AKT3: variants seen among roughly 807,000 people sequenced by gnomAD.
AKT3 encodes RAC-gamma serine/threonine-protein kinase.
AKT3 carries 15 observed loss-of-function variants against 65.3 expected under a neutral mutation model. The ratio of observed to expected loss-of-function variants is 0.23; its 90% CI spans 0.15 to 0.35. The LOEUF is 0.35. Ranked by LOEUF, AKT3 falls within the 10% of genes least tolerant of loss-of-function variation. AKT3 has a pLI of 1.00. For missense variants in AKT3, 243 were observed against 576.5 expected (o/e 0.42, Z 5.92); for synonymous variants, 206 against 183.8 (o/e 1.12, Z -0.98).
At position 243,501,774 on chromosome 1, in the gene AKT3, C is replaced by T. The variant is rs1186983708; in HGVS notation, c.*3475G>A. 2 of 232,774 alleles carry T rather than the reference C, an allele frequency of 8.6e-6. No homozygotes were observed. The highest frequency in any genetic ancestry group is 1.7e-5 in the Non-Finnish European group (2 of 117,854). 14.4% of individuals were successfully genotyped at this position (232,774 alleles called of 1,614,324 possible). A position where few individuals can be genotyped will look rare whatever the true frequency, so the allele number is the denominator to read the frequency against. The stretch of plus-strand genomic sequence containing the variant: ...AATAAACAGAGAAGTAGCAGATTGA[C>T]ATAGTGCTTTATTTAAGCTGTCTGT... On this transcript the variant is annotated 3_prime_UTR_variant, in exon 14 of 14. Transcript: ENST00000673466.
intron 2 of AKT3, among the ~76,000 whole-genome samples, chr1:243,781,109 ATTT>A (rs1214420823): frequency 6.6e-6 from 1 of 152,000 alleles, no homozygotes; most frequent in Non-Finnish European, 1.5e-5. Context: ...GCCTTCTAAA[ATTT>A]TTTTCTATGG....
intron 2 of AKT3, among the ~76,000 whole-genome samples, chr1:243,801,984 T>C (rs1466843644): frequency 1.3e-5 from 2 of 152,164 alleles, no homozygotes; most frequent in African/African-American, 2.4e-5. Context: ...AATATTCCTA[T>C]AGGATAAAAA....
chr1:243,640,707 A>C (rs977811476), intron 5 of AKT3, among the ~76,000 whole-genome samples: 9 of 152,124 alleles, frequency 5.9e-5, no homozygotes, highest in Admixed American at 3.3e-4. Context: ...GTTTTGTTGG[A>C]TTTTCCAGCC....
intron 8 of AKT3, among the ~76,000 whole-genome samples, chr1:243,575,773 C>T (rs1243788872): frequency 1.3e-5 from 2 of 152,136 alleles, no homozygotes; most frequent in Non-Finnish European, 2.9e-5. Context: ...AAAAGTGCTA[C>T]TCAAGTTTTA....
At chr1:243,789,278 T>G (rs891833926) in intron 2 of AKT3, among the ~76,000 whole-genome samples, 1 of 152,180 alleles carries the variant, frequency 6.6e-6, no homozygotes, top group Admixed American at 6.5e-5. Flanking sequence ...CCTAGCTACT[T>G]AGAAGGCTGA....
At chr1:243,674,605 A>G (rs1021988098) in intron 3 of AKT3, among the ~76,000 whole-genome samples, 14 of 152,222 alleles carry the variant, frequency 9.2e-5, no homozygotes, top group African/African-American at 2.4e-4. Flanking sequence ...AGTCTCTTTA[A>G]TAAGTGAATG....
intron 13 of AKT3, among the ~76,000 whole-genome samples, chr1:243,511,056 G>A (rs1004849285): frequency 6.6e-6 from 1 of 152,254 alleles, no homozygotes; most frequent in East Asian, 1.9e-4. Flanking sequence ...GACTCTTAGT[G>A]ATTCTAAAAT....
At chr1:243,707,084 C>G (rs1030131912) in intron 2 of AKT3, among the ~76,000 whole-genome samples, 1 of 152,090 alleles carries the variant, frequency 6.6e-6, no homozygotes, top group Non-Finnish European at 1.5e-5. Context: ...GCATGTAGAA[C>G]AACATCTAGC....
chr1:243,815,616 C>CT (rs200053952), intron 2 of AKT3, among the ~76,000 whole-genome samples: 33,998 of 140,854 alleles, frequency 0.24, 4,354 homozygotes, highest in East Asian at 0.34. Flanking sequence ...ATCTATATTG[C>CT]TTTTTTTTTT....
intron 3 of AKT3, among the ~76,000 whole-genome samples, chr1:243,683,304 T>C (rs1684051289): frequency 6.6e-6 from 1 of 152,162 alleles, no homozygotes; most frequent in African/African-American, 2.4e-5. Context: ...TTTTTTCCCC[T>C]CAGTACCTGG....
intron 2 of AKT3, among the ~76,000 whole-genome samples, chr1:243,763,215 TAAG>T (rs796124627): frequency 1.9e-4 from 29 of 152,214 alleles, no homozygotes; most frequent in African/African-American, 7.0e-4. Flanking sequence ...AAGATTCTAA[TAAG>T]AACTTAGAAC....
At chr1:243,695,441 G>A (rs1685002905) in intron 3 of AKT3, 150 bp downstream of exon 3, 1 of 589,510 alleles carries the variant, frequency 1.7e-6, no homozygotes, top group Non-Finnish European at 2.7e-6. Context: ...TCTATGCTAA[G>A]GGACTGAAAT....
chr1:243,549,822 C>A (rs543014817), intron 11 of AKT3, among the ~76,000 whole-genome samples: 254 of 152,284 alleles, frequency 1.7e-3, no homozygotes, highest in African/African-American at 5.9e-3. Context: ...TGACACAAAT[C>A]TGATTATACT....
intron 2 of AKT3, among the ~76,000 whole-genome samples, chr1:243,811,691 C>CA (rs1693169834): frequency 6.6e-6 from 1 of 152,010 alleles, no homozygotes; most frequent in African/African-American, 2.4e-5. Context: ...CATATGGAAC[C>CA]AAAAAAGAGC....
intron 2 of AKT3, among the ~76,000 whole-genome samples, chr1:243,800,655 T>C (rs2148365194): frequency 6.6e-6 from 1 of 151,816 alleles, no homozygotes; most frequent in Admixed American, 6.6e-5. Context: ...AAGGCAGAGG[T>C]TGCAGTGAGC....
chr1:243,701,600 T>C (rs529340832), intron 2 of AKT3, among the ~76,000 whole-genome samples: 97 of 148,134 alleles, frequency 6.5e-4, no homozygotes, highest in South Asian at 2.1e-3. Context: ...TTAGTTCATT[T>C]AGAATTTAAT....
intron 6 of AKT3, among the ~76,000 whole-genome samples, chr1:243,622,035 T>C (rs544315093): frequency 6.6e-6 from 1 of 152,346 alleles, no homozygotes; most frequent in Admixed American, 6.5e-5. Context: ...AAAACTAGAC[T>C]GTGTAACTAC....
intron 2 of AKT3, among the ~76,000 whole-genome samples, chr1:243,834,716 T>C (rs1694778636): frequency 6.6e-6 from 1 of 150,834 alleles, no homozygotes; most frequent in Non-Finnish European, 1.5e-5. Context: ...TAACCAATAA[T>C]GTATTCTGGA....
chr1:243,618,209 C>A (rs987012564), intron 6 of AKT3, among the ~76,000 whole-genome samples: 3 of 151,894 alleles, frequency 2.0e-5, no homozygotes, highest in African/African-American at 7.3e-5. Context: ...ATCCAAGGAA[C>A]CAAGTAAAGA....
Sources: gnomAD v4.1 joint callset for allele counts (sites outside exome capture counted in the v4.1 genomes callset) on GRCh38, gnomAD v4.1.1 for gene constraint, MANE v1.5 for transcripts, NCBI Gene and HGNC (gene_info 2026-07-23, HGNC 2026-07-21) for gene names.